Variants in ATP13A4 observed in about 807,000 individuals in gnomAD.
The protein encoded by ATP13A4 is ATPase 13A4.
ATP13A4 carries 114 observed loss-of-function variants against 142.5 expected under a neutral mutation model. That is an observed-to-expected ratio of 0.80 (90% CI 0.69 to 0.93). The LOEUF (loss-of-function observed/expected upper bound fraction) is 0.93, where lower values mean the gene tolerates loss of function less well. ATP13A4 is among the 40% of genes least tolerant of loss of function. ATP13A4 has a pLI of 0.00. For synonymous variants in ATP13A4, 488 were observed against 514.8 expected (o/e 0.95, Z 0.70); for missense variants, 1,392 against 1,454.0 (o/e 0.96, Z 0.69).
At chr3:193,479,007 A>G (rs983732753) in intron 8 of ATP13A4, among the ~76,000 whole-genome samples, 1 of 152,208 alleles carries the variant, frequency 6.6e-6, no homozygotes, top group Non-Finnish European at 1.5e-5. Context: ...AAGAAAATTG[A>G]AAACAAAATC....
chr3:193,515,609 A>G (rs1721365930), intron 1 of ATP13A4, among the ~76,000 whole-genome samples: 1 of 152,186 alleles, frequency 6.6e-6, no homozygotes, highest in South Asian at 2.1e-4. Flanking sequence ...CTGAGCACCA[A>G]TGCGTCATGA....
rs1376094974 is a variant in ATP13A4, at chr3:193,571,756, G to C, written n.291+9951C>G. Among the ~76,000 whole-genome samples the C allele has an allele frequency of 9.9e-5, 15 of 152,106 alleles. 1 individual carries two copies. Among genetic ancestry groups the C allele is most frequent in the Admixed American group, 9.8e-4 (15 of 15,274 alleles). ...ACAAACAAGGAGAATCTGAGGAAAT[G>C]TCATGGTCTAGGTGAGCCTAAGGAG... On this transcript the variant is annotated intron_variant and non_coding_transcript_variant, in intron 2 of 3. Coordinates refer to the ATP13A4 transcript ENST00000489140.
chr3:193,537,271 A>T (rs759825956), intron 1 of ATP13A4, among the ~76,000 whole-genome samples: 5 of 152,182 alleles, frequency 3.3e-5, no homozygotes, highest in African/African-American at 4.8e-5. Flanking sequence ...ATAGAAGAGA[A>T]AACTGAGAAA....
chr3:193,591,258 C>G (rs577149269), intron 1 of ATP13A4, among the ~76,000 whole-genome samples: 3 of 152,324 alleles, frequency 2.0e-5, no homozygotes, highest in African/African-American at 7.2e-5. Context: ...TGGTCTCAAA[C>G]TCCTGACCTC....
In ATP13A4 at chr3:193,462,737, TAGTCCAAG is replaced by T; in HGVS notation, c.1523+17_1523+24del. On this transcript the variant is annotated intron_variant, in intron 13 of 29. Transcript: ENST00000342695. ...GGAAAAAGAGACACTAGAATGCATTTAGTCCAAGAGTCCAAGGTACTCACCCATTCCTA... is the reference window on the plus strand; with the variant it reads ...GGAAAAAGAGACACTAGAATGCATTTAGTCCAAGGTACTCACCCATTCCTA... The T allele has an allele frequency of 6.2e-7, 1 of 1,600,872 alleles. No individual in the cohort carries two copies.
At chr3:193,474,680 AAAAG>A (rs1190198824) in intron 8 of ATP13A4, among the ~76,000 whole-genome samples, 2 of 150,640 alleles carry the variant, frequency 1.3e-5, no homozygotes, top group East Asian at 1.9e-4. Context: ...AAAGAAAGAA[AAAAG>A]AAAGAAAAAG....
Position 193,412,159 on chromosome 3 carries a change from GCAGTA to G in ATP13A4, c.3208+14_3208+18del, listed in dbSNP as rs765978252. On this transcript the variant is annotated intron_variant, in intron 27 of 29. Transcript: ENST00000342695. ...TCTCTGATGACTTCTCACCTCTGAT[GCAGTA>G]CAGTTCTACTCACAGTTTGTATAAG... 7.6e-6 allele frequency: 12 copies of G among 1,576,056 alleles called. No homozygotes were observed. The highest frequency in any genetic ancestry group is 1.0e-5 in the Non-Finnish European group (12 of 1,145,530).
intron 1 of ATP13A4, among the ~76,000 whole-genome samples, chr3:193,537,337 AAAT>A (rs1722641809): frequency 6.6e-6 from 1 of 152,156 alleles, no homozygotes; most frequent in Admixed American, 6.5e-5. Context: ...AAGCAAGAAA[AAAT>A]AGAATTTTCA....
At chr3:193,516,394 T>C (rs1377623904) in intron 1 of ATP13A4, among the ~76,000 whole-genome samples, 1 of 152,186 alleles carries the variant, frequency 6.6e-6, no homozygotes, top group Non-Finnish European at 1.5e-5. Context: ...AAATACAATC[T>C]CTTAACTAAT....
At chr3:193,504,020 T>TGTGTGA (rs1034644341) in intron 2 of ATP13A4, among the ~76,000 whole-genome samples, 2 of 144,212 alleles carry the variant, frequency 1.4e-5, no homozygotes, top group Admixed American at 1.4e-4. Flanking sequence ...TGTGTGTGTG[T>TGTGTGA]GAGAGAGAGA....
Position 193,399,305 on chromosome 3 carries a change from C to T in ATP13A4, c.*3347G>A, listed in dbSNP as rs1224551803. On this transcript the variant is annotated 3_prime_UTR_variant, in exon 30 of 30. Coordinates refer to ENST00000342695, the MANE Select transcript of ATP13A4 (RefSeq NM_032279.4). ...TTTAGGGCACTCTCCCACGCTCTTT[C>T]ATGCAAAGTTTTTTAACACCTCTCT... Among the ~76,000 whole-genome samples, 1 of 152,194 alleles carries T rather than the reference C, an allele frequency of 6.6e-6. No homozygotes were observed. The highest frequency in any genetic ancestry group is 2.4e-5 in the African/African-American group (1 of 41,452).
At chr3:193,473,729 A>C (rs1460220122) in intron 8 of ATP13A4, among the ~76,000 whole-genome samples, 1 of 152,204 alleles carries the variant, frequency 6.6e-6, no homozygotes, top group Non-Finnish European at 1.5e-5. Flanking sequence ...TCCAGCCAAA[A>C]ATGCATAACC....
rs1204023613 is a variant in ATP13A4 at position 193,491,340 on chromosome 3, G to A, written c.592C>T (p.Leu198Phe). Residue 198 changes from leucine (L) to phenylalanine (F), a missense_variant, in exon 6 of 30, where the codon CTC becomes TTC. Physicochemically the swap from Leu to Phe is conservative, Grantham distance 22. Coordinates refer to ENST00000342695, the MANE Select transcript of ATP13A4 (RefSeq NM_032279.4). ...GCTGGAGAAATTACCTCCTTGATGA[G>A]CAGTTTCCAAATTGGTGTAACTTCA... The part of the protein sequence containing the change: ...DVEVTPIWKL[L>F]IKEVLNPFYI... The A allele has an allele frequency of 1.3e-6, 2 of 1,599,904 alleles. No individual in the cohort carries two copies. Among genetic ancestry groups the A allele is most frequent in the South Asian group, 1.1e-5 (1 of 90,744 alleles).
In ATP13A4 at chr3:193,583,143, AAAG is replaced by A. The variant is rs1189235182; in HGVS notation, n.92-1240_92-1238del. 5.9e-4 allele frequency among the ~76,000 whole-genome samples: 90 copies of A among 151,806 alleles called. 1 individual carries two copies. Among genetic ancestry groups the A allele is most frequent in the Admixed American group, 2.1e-3 (32 of 15,206 alleles). The stretch of plus-strand genomic sequence containing the variant: ...AATACGTACTTTACTACATAAAAAT[AAAG>A]AAGGGGCTGGGTGCAGTGGCTCAAG... On this transcript the variant is annotated intron_variant and non_coding_transcript_variant, in intron 1 of 3. Coordinates refer to the ATP13A4 transcript ENST00000489140.
At chr3:193,461,987 C>G (rs1054681308) in intron 13 of ATP13A4, among the ~76,000 whole-genome samples, 1 of 152,060 alleles carries the variant, frequency 6.6e-6, no homozygotes, top group East Asian at 1.9e-4. Flanking sequence ...TTCAGGAGGC[C>G]GAGGTGGACG....
At chr3:193,521,024 T>A (rs13100547) in intron 1 of ATP13A4, among the ~76,000 whole-genome samples, 1 of 152,158 alleles carries the variant, frequency 6.6e-6, no homozygotes. Context: ...CTGGCCCAGA[T>A]GTCAGGCTCA....
intron 2 of ATP13A4, among the ~76,000 whole-genome samples, chr3:193,505,584 A>G (rs1009844859): frequency 6.6e-6 from 1 of 152,178 alleles, no homozygotes; most frequent in African/African-American, 2.4e-5. Context: ...AAATAATTCT[A>G]CTAATTATGT....
intron 1 of ATP13A4, among the ~76,000 whole-genome samples, chr3:193,542,383 A>G (rs1033842822): frequency 3.3e-5 from 5 of 152,198 alleles, no homozygotes; most frequent in South Asian, 2.1e-4. Context: ...ATATCATGAA[A>G]ATGGCCACAC....
At chr3:193,504,020 T>TGTGTGTGTGTGTGTGTGTGTGTGTGA (rs1034644341) in intron 2 of ATP13A4, among the ~76,000 whole-genome samples, 44 of 144,304 alleles carry the variant, frequency 3.0e-4, no homozygotes, top group South Asian at 4.5e-4. Context: ...TGTGTGTGTG[T>TGTGTGTGTGTGTGTGTGTGTGTGTGA]GAGAGAGAGA....
Sources: gnomAD v4.1 joint callset for allele counts (sites outside exome capture counted in the v4.1 genomes callset) on GRCh38, gnomAD v4.1.1 for gene constraint, MANE v1.5 for transcripts, NCBI Gene and HGNC (gene_info 2026-07-23, HGNC 2026-07-21) for gene names.